Variants in FCHSD2 observed in about 807,000 individuals in gnomAD.
FCHSD2 encodes the protein F-BAR and double SH3 domains protein 2.
FCHSD2 carries 38 observed loss-of-function variants against 108.1 expected under a neutral mutation model. The observed-to-expected ratio is 0.35, with a 90% confidence interval of 0.27 to 0.46. The LOEUF is 0.46. FCHSD2 is among the 20% of genes least tolerant of loss of function. The probability of loss-of-function intolerance (pLI) is 1.00; values close to 1 mark genes in which losing one functional copy is unlikely to be tolerated. For synonymous variants in FCHSD2, 279 were observed against 314.7 expected, an observed-to-expected ratio of 0.89 and a Z score of 1.20; for missense variants, 751 against 897.8, an observed-to-expected ratio of 0.84 and a Z score of 2.09.
Position 73,104,524 on chromosome 11 carries a change from G to A in FCHSD2, c.120-20784C>T, listed in dbSNP as rs181422098. ...ACCTCAAGTGATCCAGCCTCCCAAAGTGTTGGGATTACAGGAGTGAGCCAC... is the reference window on the plus strand; with the variant it reads ...ACCTCAAGTGATCCAGCCTCCCAAAATGTTGGGATTACAGGAGTGAGCCAC... On this transcript the variant is annotated intron_variant, in intron 2 of 19. Transcript: ENST00000409418. Among the ~76,000 whole-genome samples, 32 of 152,064 alleles carry A rather than the reference G, an allele frequency of 2.1e-4. No individual in the cohort carries two copies. The East Asian group carries it at 5.2e-3, about 25-fold the overall frequency.
At position 72,921,844 on chromosome 11, in the gene FCHSD2, A is replaced by G. The variant is rs143760818; in HGVS notation, c.812T>C (p.Leu271Ser). The G allele has an allele frequency of 1.4e-4, 225 of 1,611,272 alleles. 1 individual carries two copies. The highest frequency in any genetic ancestry group is 9.3e-4 in the South Asian group (84 of 90,656). Residue 271 changes from leucine (L) to serine (S), a missense_variant, in exon 9 of 20, where the codon TTA (leucine) becomes TCA (serine). Leu to Ser is a moderately radical substitution (Grantham distance 145, BLOSUM62 -2). Transcript: ENST00000409418. ...GTAACTTACCTTGCTGGAGTTTTCT[A>G]ATAAAAACTGGAATGTGTTCTGCAC... is the stretch of plus-strand genomic sequence containing the variant. ...QAVQNTFQFL[L>S]ENSSKVVRDY...
intron 8 of FCHSD2, chr11:72,941,029 C>A: frequency 1.4e-6 from 1 of 721,198 alleles, no homozygotes; most frequent in Non-Finnish European, 2.5e-6. Flanking sequence ...TGGAAAGGAC[C>A]GTATGTTCCA....
chr11:73,017,934 T>C (rs1565370082), intron 3 of FCHSD2, among the ~76,000 whole-genome samples: 1 of 152,196 alleles, frequency 6.6e-6, no homozygotes, highest in East Asian at 1.9e-4. Flanking sequence ...TATAATTCTA[T>C]AAAGAATTAT....
At chr11:72,876,016 C>G (rs1261685968) in intron 12 of FCHSD2, among the ~76,000 whole-genome samples, 1 of 152,194 alleles carries the variant, frequency 6.6e-6, no homozygotes, top group East Asian at 1.9e-4. Flanking sequence ...TCAGGCAAAA[C>G]CAGCAAAAGA....
At chr11:72,979,219 G>A (rs1257580678) in intron 8 of FCHSD2, among the ~76,000 whole-genome samples, 1 of 152,030 alleles carries the variant, frequency 6.6e-6, no homozygotes, top group Non-Finnish European at 1.5e-5. Context: ...AAAAATGCTG[G>A]TAAGGATGTG....
At chr11:72,985,357 C>CAAA (rs35241897) in intron 6 of FCHSD2, among the ~76,000 whole-genome samples, 1 of 47,402 alleles carries the variant, frequency 2.1e-5, no homozygotes, top group Non-Finnish European at 4.6e-5. Context: ...CCAGAATGAC[C>CAAA]AAAAAAAAAA....
chr11:73,118,612 T>C (rs1031256293), intron 2 of FCHSD2, among the ~76,000 whole-genome samples: 2 of 152,256 alleles, frequency 1.3e-5, no homozygotes, highest in African/African-American at 4.8e-5. Context: ...CTGAATGGTA[T>C]ATTTGGAGGT....
At chr11:72,939,027 T>C (rs78659915) in intron 8 of FCHSD2, among the ~76,000 whole-genome samples, 3,130 of 152,268 alleles carry the variant, frequency 0.021, 90 homozygotes, top group African/African-American at 0.071. Context: ...TATTTTCAAA[T>C]TTTAATACAG....
rs60223064 is a variant in FCHSD2, at chr11:73,096,987, ATTTTTTTTTTTTT to A, written c.120-13260_120-13248del. On this transcript the variant is annotated intron_variant, in intron 2 of 19. Coordinates refer to ENST00000409418, the MANE Select transcript of FCHSD2 (RefSeq NM_014824.3). ...CTAATGTGATGTATTTCATTGATGG[ATTTTTTTTTTTTT>A]TTTTTTTTTTTTTTTTGATGAGACA... Among the ~76,000 whole-genome samples the A allele has an allele frequency of 1.5e-3, 40 of 27,046 alleles. No homozygotes were observed. In the East Asian group the frequency reaches 0.016, roughly 11 times the overall value. The allele number at this position is 27,046 out of a possible 152,430, so 17.7% of individuals were successfully genotyped here.
chr11:73,062,600 C>A (rs1035594167), intron 3 of FCHSD2, among the ~76,000 whole-genome samples: 2 of 152,028 alleles, frequency 1.3e-5, no homozygotes, highest in African/African-American at 4.8e-5. Context: ...CATAAATGAC[C>A]CGATGGAGCT....
chr11:72,917,585 C>T (rs1191169925), intron 9 of FCHSD2, among the ~76,000 whole-genome samples: 2 of 152,200 alleles, frequency 1.3e-5, no homozygotes, highest in South Asian at 2.1e-4. Context: ...CTTGTAGTTC[C>T]ATATTAATTC....
At chr11:73,042,978 A>G (rs907664715) in intron 3 of FCHSD2, among the ~76,000 whole-genome samples, 1 of 152,176 alleles carries the variant, frequency 6.6e-6, no homozygotes, top group Non-Finnish European at 1.5e-5. Flanking sequence ...TTTTCTATAT[A>G]TGAGGTCATG....
intron 2 of FCHSD2, among the ~76,000 whole-genome samples, chr11:73,115,424 TC>T (rs1255937533): frequency 6.6e-6 from 1 of 152,174 alleles, no homozygotes; most frequent in Non-Finnish European, 1.5e-5. Context: ...ACGTTTGGCC[TC>T]CCAAAGTGCT....
intron 8 of FCHSD2, among the ~76,000 whole-genome samples, chr11:72,947,755 T>TGATTATAAAATA (rs60386383): frequency 0.02 from 3,038 of 152,242 alleles, 86 homozygotes; most frequent in African/African-American, 0.069. Context: ...CATAATTTTC[T>TGATTATAAAATA]CATAAAGAAA....
At chr11:73,000,855 G>T in intron 5 of FCHSD2, 135 bp downstream of exon 5, 1 of 711,982 alleles carries the variant, frequency 1.4e-6, no homozygotes, top group Non-Finnish European at 2.2e-6. Flanking sequence ...GTTGAAATCA[G>T]AAAATCCTAG....
chr11:73,051,914 C>G (rs952723180), intron 3 of FCHSD2, among the ~76,000 whole-genome samples: 1 of 128,642 alleles, frequency 7.8e-6, no homozygotes, highest in African/African-American at 3.1e-5. Flanking sequence ...CACACACACA[C>G]ACCCCACACA....
At chr11:73,051,898 CA>C (rs1858908547) in intron 3 of FCHSD2, among the ~76,000 whole-genome samples, 2 of 150,944 alleles carry the variant, frequency 1.3e-5, no homozygotes, top group African/African-American at 4.9e-5. Flanking sequence ...CACACACACA[CA>C]CACACACACA....
At chr11:73,098,611 A>C (rs181112298) in intron 2 of FCHSD2, among the ~76,000 whole-genome samples, 32 of 152,296 alleles carry the variant, frequency 2.1e-4, no homozygotes, top group Middle Eastern at 6.8e-3. Context: ...CAGGAAAAAA[A>C]AAACAAACAT....
At chr11:72,932,799 C>T (rs1272429559) in intron 8 of FCHSD2, among the ~76,000 whole-genome samples, 3 of 152,174 alleles carry the variant, frequency 2.0e-5, no homozygotes, top group Non-Finnish European at 4.4e-5. Context: ...ATTCCATCTT[C>T]TGTGTTGAGC....
Sources: gnomAD v4.1 joint callset for allele counts (sites outside exome capture counted in the v4.1 genomes callset) on GRCh38, gnomAD v4.1.1 for gene constraint, MANE v1.5 for transcripts, NCBI Gene and HGNC (gene_info 2026-07-23, HGNC 2026-07-21) for gene names.